ARHGEF6: variants seen among roughly 807,000 people sequenced by gnomAD.
ARHGEF6 encodes rho guanine nucleotide exchange factor 6.
In ARHGEF6, 9 loss-of-function variants were observed where a neutral mutation model predicts 70.3. The observed-to-expected ratio is 0.13, with a 90% CI of 0.08 to 0.22. The LOEUF (loss-of-function observed/expected upper bound fraction) is 0.22, where lower values mean the gene tolerates loss of function less well. ARHGEF6 is among the 10% of genes least tolerant of loss of function. The pLI is 1.00. For synonymous variants in ARHGEF6, 201 were observed against 207.8 expected (o/e 0.97, Z 0.28); for missense variants, 470 against 563.0 (o/e 0.83, Z 1.67).
chrX:136,743,070 C>G (rs1224635079), intron 5 of ARHGEF6, among the ~76,000 whole-genome samples: 1 of 112,175 alleles, frequency 8.9e-6, no homozygotes, highest in Non-Finnish European at 1.9e-5. Context: ...AGGTAAACAG[C>G]TAGCAGTATT....
At chrX:136,699,502 T>A (rs2076543654) in intron 9 of ARHGEF6, among the ~76,000 whole-genome samples, 1 of 111,949 alleles carries the variant, frequency 8.9e-6, no homozygotes, top group Non-Finnish European at 1.9e-5. Flanking sequence ...ACTATAGTCA[T>A]AATTAAAAAA....
chrX:136,667,740 A>T lies in ARHGEF6; in HGVS notation c.*289T>A. On this transcript the variant is annotated 3_prime_UTR_variant, in exon 22 of 22. Coordinates refer to ENST00000250617, the MANE Select transcript of ARHGEF6 (RefSeq NM_004840.3). ...TGCATTCCCTTTCTCTTTCTTACTG[A>T]ATGGAAAAGACTCTGAGGCCATCTC... 2.7e-6 allele frequency: 1 copy of T among 367,371 alleles called. No homozygotes were observed. The highest frequency in any genetic ancestry group is 4.8e-6 in the Non-Finnish European group (1 of 208,501). 30.3% of individuals were successfully genotyped at this position (367,371 alleles called of 1,213,427 possible).
chrX:136,722,014 T>A (rs1315707479), intron 6 of ARHGEF6, among the ~76,000 whole-genome samples: 1 of 111,510 alleles, frequency 9.0e-6, no homozygotes, highest in African/African-American at 3.3e-5. Flanking sequence ...TGACTAAACA[T>A]GACAGAACAT....
intron 9 of ARHGEF6, among the ~76,000 whole-genome samples, chrX:136,705,014 T>C (rs112799695): frequency 9.0e-6 from 1 of 111,492 alleles, no homozygotes; most frequent in East Asian, 2.8e-4. Flanking sequence ...TGTTTTGTTG[T>C]TGTTGCTGTT....
Position 136,667,742 on chromosome X carries a change from T to C in ARHGEF6, c.*287A>G. 2.7e-6 allele frequency: 1 copy of C among 365,655 alleles called. No individual in the cohort carries two copies. The highest frequency in any genetic ancestry group is 4.6e-5 in the Admixed American group (1 of 21,939). 30.1% of individuals were successfully genotyped at this position (365,655 alleles called of 1,213,427 possible). A position where few individuals can be genotyped will look rare whatever the true frequency, so the allele number is the denominator to read the frequency against. ...CATTCCCTTTCTCTTTCTTACTGAATGGAAAAGACTCTGAGGCCATCTCTA... is the reference window on the plus strand; with the variant it reads ...CATTCCCTTTCTCTTTCTTACTGAACGGAAAAGACTCTGAGGCCATCTCTA... On this transcript the variant is annotated 3_prime_UTR_variant, in exon 22 of 22. Coordinates refer to ENST00000250617, the MANE Select transcript of ARHGEF6 (RefSeq NM_004840.3).
At chrX:136,705,095 G>A (rs2076612980) in intron 9 of ARHGEF6, among the ~76,000 whole-genome samples, 1 of 110,815 alleles carries the variant, frequency 9.0e-6, no homozygotes, top group African/African-American at 3.3e-5. Context: ...CAAGGTGGGC[G>A]GATCATTTGA....
At chrX:136,762,936 G>C (rs1242435461) in intron 2 of ARHGEF6, among the ~76,000 whole-genome samples, 1 of 111,753 alleles carries the variant, frequency 8.9e-6, no homozygotes, top group African/African-American at 3.3e-5. Flanking sequence ...GAAAAAAAAG[G>C]CTGCCCTAAC....
chrX:136,698,322 G>C (rs1303528499), intron 9 of ARHGEF6, among the ~76,000 whole-genome samples: 4 of 111,278 alleles, frequency 3.6e-5, no homozygotes, highest in Non-Finnish European at 7.5e-5. Flanking sequence ...AAAAAGAGAG[G>C]AGAGAGAGAA....
chrX:136,737,575 C>T (rs1204771635), intron 5 of ARHGEF6: 10 of 677,284 alleles, frequency 1.5e-5, no homozygotes, highest in South Asian at 1.6e-4. Context: ...AAATAAAGCC[C>T]GGGCACGGTG....
At position 136,757,555 on chromosome X, in the gene ARHGEF6, G is replaced by A. The variant is rs758762586; in HGVS notation, c.250-9963C>T. On this transcript the variant is annotated intron_variant, in intron 2 of 21. Transcript: ENST00000250617. ...CTCTGACATTTATACTTCTCCTTCA[G>A]AAAGTTCCCTCAATCATCTGAATGC... 5.4e-5 allele frequency among the ~76,000 whole-genome samples: 6 copies of A among 111,271 alleles called. No homozygotes were observed. In the South Asian group the frequency reaches 2.2e-3, roughly 42 times the overall value.
At chrX:136,703,851 C>T (rs1214405925) in intron 9 of ARHGEF6, among the ~76,000 whole-genome samples, 1 of 112,647 alleles carries the variant, frequency 8.9e-6, no homozygotes, top group African/African-American at 3.2e-5. Flanking sequence ...AAGGAATGTA[C>T]CTTGCTTTTT....
chrX:136,711,553 T>G (rs1569404387), intron 7 of ARHGEF6, among the ~76,000 whole-genome samples: 2 of 111,751 alleles, frequency 1.8e-5, no homozygotes, highest in Non-Finnish European at 3.8e-5. Context: ...AATACTTTGT[T>G]TTTTGTTTTG....
At chrX:136,776,738 G>A (rs909247497) in intron 2 of ARHGEF6, among the ~76,000 whole-genome samples, 1 of 111,128 alleles carries the variant, frequency 9.0e-6, no homozygotes, top group African/African-American at 3.3e-5. Context: ...AAAAATTTCT[G>A]CACAGCAAAA....
intron 12 of ARHGEF6, among the ~76,000 whole-genome samples, chrX:136,684,267 T>C (rs1484361531): frequency 8.9e-6 from 1 of 112,439 alleles, no homozygotes; most frequent in Non-Finnish European, 1.9e-5. Flanking sequence ...TTTTATTTTT[T>C]CTGGCACTGA....
chrX:136,702,370 A>G (rs932966457), intron 9 of ARHGEF6, among the ~76,000 whole-genome samples: 3 of 112,540 alleles, frequency 2.7e-5, no homozygotes, highest in Non-Finnish European at 5.6e-5. Flanking sequence ...AATAGAAAAC[A>G]TGGCAGATAC....
intron 11 of ARHGEF6, among the ~76,000 whole-genome samples, chrX:136,686,705 T>TAC (rs1190973659): frequency 1.7e-4 from 5 of 28,963 alleles, no homozygotes; most frequent in African/African-American, 4.7e-4. Context: ...CACATATATA[T>TAC]ATACATATAT....
At chrX:136,765,945 A>G (rs1249500634) in intron 2 of ARHGEF6, among the ~76,000 whole-genome samples, 1 of 112,780 alleles carries the variant, frequency 8.9e-6, no homozygotes, top group African/African-American at 3.2e-5. Flanking sequence ...CAAAACTCCA[A>G]TCATCTGCAC....
intron 14 of ARHGEF6, among the ~76,000 whole-genome samples, 195 bp from the exon 15 acceptor site, chrX:136,681,071 A>G (rs754244536): frequency 2.5e-4 from 28 of 112,536 alleles, no homozygotes; most frequent in Middle Eastern, 4.6e-3. Context: ...ATAAATATTC[A>G]TGTCTGATTT....
At chrX:136,741,962 C>T (rs1481891872) in intron 5 of ARHGEF6, among the ~76,000 whole-genome samples, 4 of 111,719 alleles carry the variant, frequency 3.6e-5, no homozygotes, top group Non-Finnish European at 5.6e-5. Context: ...CTCTCAAGAG[C>T]TCAGAGTTAT....
Sources: gnomAD v4.1 joint callset for allele counts (sites outside exome capture counted in the v4.1 genomes callset) on GRCh38, gnomAD v4.1.1 for gene constraint, MANE v1.5 for transcripts, NCBI Gene and HGNC (gene_info 2026-07-23, HGNC 2026-07-21) for gene names.